GRID1: variants seen among roughly 807,000 people sequenced by gnomAD.
GRID1 encodes the protein glutamate ionotropic receptor delta type subunit 1.
In GRID1, 28 loss-of-function variants were observed where a neutral mutation model predicts 98.0. The observed-to-expected ratio is 0.29, with a 90% CI of 0.21 to 0.39. The LOEUF (loss-of-function observed/expected upper bound fraction) is 0.39. GRID1 is among the 10% of genes least tolerant of loss of function. The pLI, the probability that GRID1 is intolerant of heterozygous loss-of-function variation, is 1.00. For missense variants in GRID1, 1,111 were observed against 1,340.5 expected, an observed-to-expected ratio of 0.83 and a Z score of 2.67; for synonymous variants, 553 against 538.5, an observed-to-expected ratio of 1.03 and a Z score of -0.37.
chr10:85,958,104 C>CTCTAGACTAA, intron 4 of GRID1, among the ~76,000 whole-genome samples: 1 of 152,234 alleles, frequency 6.6e-6, no homozygotes, highest in South Asian at 2.1e-4. Flanking sequence ...CTCTAGAAAC[C>CTCTAGACTAA]CCTCTGACCC....
In GRID1 at chr10:86,364,135, A is replaced by C. The variant is rs1288218116; in HGVS notation, c.80-39T>G. 2.5e-6 allele frequency: 4 copies of C among 1,586,116 alleles called. No homozygotes were observed. The Admixed American group carries it at 6.8e-5, about 27-fold the overall frequency. On this transcript the variant is annotated intron_variant, in intron 1 of 15. Transcript: ENST00000327946. ...GGGATCAAGACCGGACCTGGACAAGAACCCTCTCCCCGCTTCCCTTGGCCC... is the reference window on the plus strand; with the variant it reads ...GGGATCAAGACCGGACCTGGACAAGCACCCTCTCCCCGCTTCCCTTGGCCC...
intron 12 of GRID1, among the ~76,000 whole-genome samples, chr10:85,715,525 T>C (rs888295465): frequency 4.0e-5 from 6 of 151,880 alleles, no homozygotes; most frequent in African/African-American, 1.5e-4. Flanking sequence ...ACAAAACAAA[T>C]AGTTTAATTT....
chr10:85,895,986 T>G (rs1841287826), intron 5 of GRID1, among the ~76,000 whole-genome samples: 1 of 150,334 alleles, frequency 6.7e-6, no homozygotes. Flanking sequence ...GGAGAGTGCC[T>G]GCCCCTCACT....
intron 8 of GRID1, among the ~76,000 whole-genome samples, chr10:85,779,519 C>T (rs561278569): frequency 2.3e-4 from 35 of 152,100 alleles, no homozygotes; most frequent in African/African-American, 5.5e-4. Context: ...ACCCAGGTAA[C>T]GATAGACTCC....
chr10:86,170,090 A>G (rs941632679), intron 3 of GRID1, among the ~76,000 whole-genome samples: 1 of 152,214 alleles, frequency 6.6e-6, no homozygotes, highest in Non-Finnish European at 1.5e-5. Flanking sequence ...ACCTCTCCCA[A>G]GAAGGTCTCC....
chr10:86,177,864 G>T (rs931339826), intron 3 of GRID1, among the ~76,000 whole-genome samples: 13 of 152,202 alleles, frequency 8.5e-5, no homozygotes, highest in Admixed American at 5.2e-4. Flanking sequence ...GTATGTGTGT[G>T]TGTGTGCATG....
intron 5 of GRID1, among the ~76,000 whole-genome samples, chr10:85,876,543 G>T (rs1335519939): frequency 6.6e-6 from 1 of 152,132 alleles, no homozygotes; most frequent in African/African-American, 2.4e-5. Context: ...AATACTAACA[G>T]GTTCTAGGAT....
At chr10:85,691,478 C>A (rs1841331615) in intron 12 of GRID1, among the ~76,000 whole-genome samples, 1 of 152,174 alleles carries the variant, frequency 6.6e-6, no homozygotes. Flanking sequence ...CATCTGCCTG[C>A]TGTCCCTCCT....
intron 6 of GRID1, among the ~76,000 whole-genome samples, chr10:85,864,309 A>C (rs994949868): frequency 2.0e-5 from 3 of 152,228 alleles, no homozygotes; most frequent in Non-Finnish European, 4.4e-5. Context: ...GCCAAGCCTC[A>C]GGAGGAAGCA....
intron 8 of GRID1, among the ~76,000 whole-genome samples, chr10:85,768,825 G>A (rs142088872): frequency 1.8e-4 from 27 of 152,292 alleles, no homozygotes; most frequent in African/African-American, 6.5e-4. Context: ...GAGGCAACTT[G>A]GCAATATTTA....
intron 4 of GRID1, among the ~76,000 whole-genome samples, chr10:86,104,661 G>T (rs1844353492): frequency 6.6e-6 from 1 of 152,206 alleles, no homozygotes; most frequent in African/African-American, 2.4e-5. Flanking sequence ...TTCCTGCCTT[G>T]TTCCATAGGG....
At chr10:85,855,789 C>A (rs1590267152) in intron 7 of GRID1, among the ~76,000 whole-genome samples, 1 of 152,304 alleles carries the variant, frequency 6.6e-6, no homozygotes, top group African/African-American at 2.4e-5. Flanking sequence ...AGTTGCTTAA[C>A]CTCTCAGAAG....
intron 8 of GRID1, among the ~76,000 whole-genome samples, chr10:85,820,239 T>A (rs1842757589): frequency 6.6e-6 from 1 of 151,604 alleles, no homozygotes; most frequent in South Asian, 2.1e-4. Flanking sequence ...TGATAAATAC[T>A]CTTCAAAATT....
intron 12 of GRID1, among the ~76,000 whole-genome samples, chr10:85,701,942 C>T (rs1841456147): frequency 6.6e-6 from 1 of 152,010 alleles, no homozygotes; most frequent in Admixed American, 6.6e-5. Context: ...CCAAACACCA[C>T]CTGTTCCCCA....
At chr10:85,761,089 C>A (rs977411252) in intron 8 of GRID1, among the ~76,000 whole-genome samples, 5 of 152,158 alleles carry the variant, frequency 3.3e-5, no homozygotes, top group Non-Finnish European at 5.9e-5. Context: ...CTGAGCTCAG[C>A]TGAGCAAATT....
chr10:86,276,151 A>T (rs1016759217), intron 2 of GRID1, among the ~76,000 whole-genome samples: 2 of 152,232 alleles, frequency 1.3e-5, no homozygotes, highest in African/African-American at 2.4e-5. Flanking sequence ...AGTCTGGAAG[A>T]TAGAAATCTG....
At chr10:85,711,152 G>C (rs1388299876) in intron 12 of GRID1, among the ~76,000 whole-genome samples, 1 of 151,932 alleles carries the variant, frequency 6.6e-6, no homozygotes, top group East Asian at 1.9e-4. Context: ...TTAAAAGCAG[G>C]CATTGAACAG....
At chr10:85,681,519 C>T (rs192297241) in intron 12 of GRID1, among the ~76,000 whole-genome samples, 4 of 152,156 alleles carry the variant, frequency 2.6e-5, no homozygotes, top group Admixed American at 1.3e-4. Flanking sequence ...TTCTTTCCCA[C>T]GACCCGAGGC....
At chr10:85,703,693 T>C (rs1429447733) in intron 12 of GRID1, among the ~76,000 whole-genome samples, 1 of 152,020 alleles carries the variant, frequency 6.6e-6, no homozygotes, top group Non-Finnish European at 1.5e-5. Context: ...AGGTAGGAGG[T>C]AACTATAGTA....
Sources: gnomAD v4.1 joint callset for allele counts (sites outside exome capture counted in the v4.1 genomes callset) on GRCh38, gnomAD v4.1.1 for gene constraint, MANE v1.5 for transcripts, NCBI Gene and HGNC (gene_info 2026-07-23, HGNC 2026-07-21) for gene names.